REC114: variants seen among roughly 807,000 people sequenced by gnomAD.
REC114 encodes meiotic recombination protein REC114.
Under a neutral mutation model 31.3 loss-of-function variants are expected in REC114, and 27 were observed. The ratio of observed to expected loss-of-function variants is 0.86; its 90% CI spans 0.64 to 1.19. REC114 has a LOEUF of 1.19. Among genes scored for constraint, REC114 ranks in the 50% most tolerant of loss-of-function variants. REC114 has a pLI of 0.00. For missense variants in REC114, 344 were observed against 326.9 expected, an observed-to-expected ratio of 1.05 and a Z score of -0.40; for synonymous variants, 134 against 127.7, an observed-to-expected ratio of 1.05 and a Z score of -0.33.
At chr15:73,463,656 A>G (rs964573427) in intron 1 of REC114, among the ~76,000 whole-genome samples, 11 of 152,156 alleles carry the variant, frequency 7.2e-5, no homozygotes, top group Admixed American at 1.3e-4. Context: ...CCCCATCTCT[A>G]CTAAAAATAC....
chr15:73,452,455 C>A (rs981157558), intron 1 of REC114, among the ~76,000 whole-genome samples: 1 of 152,136 alleles, frequency 6.6e-6, no homozygotes, highest in Non-Finnish European at 1.5e-5. Context: ...TCAAGGAGAA[C>A]TACAAACCAC....
At chr15:73,471,510 C>T (rs1227505054) in intron 1 of REC114, among the ~76,000 whole-genome samples, 1 of 152,026 alleles carries the variant, frequency 6.6e-6, no homozygotes, top group Non-Finnish European at 1.5e-5. Context: ...GTTAGGAGTT[C>T]AAGTTAGGGG....
At chr15:73,444,903 C>A (rs1034100905) in intron 1 of REC114, among the ~76,000 whole-genome samples, 3 of 152,218 alleles carry the variant, frequency 2.0e-5, no homozygotes, top group Admixed American at 6.5e-5. Flanking sequence ...GGCATGCAAA[C>A]AACATTCATC....
At chr15:73,543,305 C>G (rs1270602212) in intron 3 of REC114, among the ~76,000 whole-genome samples, 1 of 152,058 alleles carries the variant, frequency 6.6e-6, no homozygotes, top group Non-Finnish European at 1.5e-5. Flanking sequence ...AAACTAGGAA[C>G]CATTTGCCTG....
intron 2 of REC114, among the ~76,000 whole-genome samples, chr15:73,536,055 C>G (rs1459408209): frequency 6.6e-6 from 1 of 151,386 alleles, no homozygotes; most frequent in East Asian, 1.9e-4. Flanking sequence ...AAACGTTAGA[C>G]CTAAAACCAT....
intron 2 of REC114, among the ~76,000 whole-genome samples, chr15:73,485,872 C>G (rs1339967679): frequency 6.6e-6 from 1 of 152,116 alleles, no homozygotes; most frequent in South Asian, 2.1e-4. Flanking sequence ...ACTTTATCAC[C>G]CCCTCCCACA....
intron 1 of REC114, among the ~76,000 whole-genome samples, chr15:73,464,468 T>A (rs1893029220): frequency 6.6e-6 from 1 of 152,064 alleles, no homozygotes; most frequent in African/African-American, 2.4e-5. Flanking sequence ...CTTTAGCCCA[T>A]TGGGTATGTA....
At chr15:73,513,697 C>G (rs1359564971) in intron 2 of REC114, among the ~76,000 whole-genome samples, 6 of 151,996 alleles carry the variant, frequency 3.9e-5, no homozygotes, top group Non-Finnish European at 8.8e-5. Flanking sequence ...TGTTGGAATA[C>G]CCTGCCTTGT....
intron 1 of REC114, among the ~76,000 whole-genome samples, chr15:73,466,127 A>G (rs1435963506): frequency 6.6e-6 from 1 of 152,036 alleles, no homozygotes; most frequent in Non-Finnish European, 1.5e-5. Flanking sequence ...CTGGGATTAC[A>G]GGCATGAGCC....
intron 2 of REC114, among the ~76,000 whole-genome samples, chr15:73,496,244 C>T (rs1002209389): frequency 3.5e-5 from 5 of 144,208 alleles, no homozygotes; most frequent in African/African-American, 7.9e-5. Context: ...CCCAGCTACT[C>T]GGGAGGCTGA....
At chr15:73,536,836 G>T (rs567634962) in intron 2 of REC114, among the ~76,000 whole-genome samples, 1 of 152,136 alleles carries the variant, frequency 6.6e-6, no homozygotes, top group Admixed American at 6.5e-5. Context: ...AAATGATACT[G>T]GTCCTGGCAT....
At chr15:73,468,678 GTTTTT>G (rs567083539) in intron 1 of REC114, among the ~76,000 whole-genome samples, 1 of 138,318 alleles carries the variant, frequency 7.2e-6, no homozygotes, top group African/African-American at 2.6e-5. Flanking sequence ...GTTAGCTGTA[GTTTTT>G]TTTTTTTTTT....
chr15:73,485,265 G>A (rs550465460), intron 2 of REC114, among the ~76,000 whole-genome samples: 1 of 152,188 alleles, frequency 6.6e-6, no homozygotes, highest in Admixed American at 6.5e-5. Context: ...TGTATTTTTA[G>A]TAGAGACAGG....
chr15:73,490,111 CT>C (rs1893424164), intron 2 of REC114, among the ~76,000 whole-genome samples: 1 of 152,198 alleles, frequency 6.6e-6, no homozygotes, highest in African/African-American at 2.4e-5. Flanking sequence ...AAGAATTTCA[CT>C]AATAGCTTCT....
chr15:73,459,749 T>C (rs1892965354), intron 1 of REC114, among the ~76,000 whole-genome samples: 1 of 152,212 alleles, frequency 6.6e-6, no homozygotes, highest in South Asian at 2.1e-4. Flanking sequence ...TAAGAACCAG[T>C]GCATGATTCA....
At chr15:73,476,441 C>T (rs1390740556) in intron 2 of REC114, among the ~76,000 whole-genome samples, 2 of 152,156 alleles carry the variant, frequency 1.3e-5, no homozygotes, top group African/African-American at 4.8e-5. Context: ...TCTGCTGTCA[C>T]TCTAGTTTTG....
chr15:73,465,860 A>C (rs1893049762), intron 1 of REC114, among the ~76,000 whole-genome samples: 1 of 152,178 alleles, frequency 6.6e-6, no homozygotes, highest in South Asian at 2.1e-4. Flanking sequence ...GTGTTATTTT[A>C]TTTTATTTTG....
intron 2 of REC114, among the ~76,000 whole-genome samples, chr15:73,495,041 AAG>A (rs1893499636): frequency 6.6e-6 from 1 of 152,178 alleles, no homozygotes; most frequent in Non-Finnish European, 1.5e-5. Flanking sequence ...CAATTTTTAA[AAG>A]AGATTCTGCT....
chr15:73,517,313 TCAAA>T (rs1020947972), intron 2 of REC114, among the ~76,000 whole-genome samples: 5 of 152,104 alleles, frequency 3.3e-5, no homozygotes, highest in Non-Finnish European at 5.9e-5. Flanking sequence ...AAGGTATCTC[TCAAA>T]CAAAGAAAAA....
Sources: allele counts gnomAD v4.1 joint callset (sites outside exome capture counted in the v4.1 genomes callset), GRCh38; gene constraint gnomAD v4.1.1; transcripts MANE v1.5; gene names NCBI Gene and HGNC (gene_info 2026-07-23, HGNC 2026-07-21).